The following EXOC6B variants were observed in gnomAD, a reference collection of about 807,000 sequenced individuals.
The protein encoded by EXOC6B is exocyst complex component 6B, also known as SEC15 homolog B.
In EXOC6B, 54 loss-of-function variants were observed where a neutral mutation model predicts 113.5. The ratio of observed to expected loss-of-function variants is 0.48; its 90% CI spans 0.38 to 0.60. The LOEUF (loss-of-function observed/expected upper bound fraction) is 0.60. Among genes scored for constraint, EXOC6B ranks in the 20% least tolerant of loss-of-function variants. The pLI is 0.00. For synonymous variants in EXOC6B, 357 were observed against 339.0 expected (o/e 1.05, Z -0.58); for missense variants, 797 against 977.5 (o/e 0.82, Z 2.46).
chr2:72,508,036 A>G (rs1419281117), intron 11 of EXOC6B, among the ~76,000 whole-genome samples: 2 of 151,686 alleles, frequency 1.3e-5, no homozygotes, highest in African/African-American at 2.4e-5. Context: ...AAATAAAATT[A>G]GAGAATTCAG....
chr2:72,449,072 T>C (rs1019839282), intron 18 of EXOC6B, among the ~76,000 whole-genome samples: 5 of 152,240 alleles, frequency 3.3e-5, no homozygotes, highest in Non-Finnish European at 5.9e-5. Context: ...CAGCTCATAT[T>C]ATAAAGCTTT....
chr2:72,622,089 A>G (rs1365714620), intron 6 of EXOC6B, among the ~76,000 whole-genome samples: 1 of 151,924 alleles, frequency 6.6e-6, no homozygotes, highest in Non-Finnish European at 1.5e-5. Context: ...AAAAAAGTTT[A>G]TAAGAATATA....
intron 1 of EXOC6B, among the ~76,000 whole-genome samples, chr2:72,802,286 C>CT (rs1446974227): frequency 6.6e-6 from 1 of 151,078 alleles, no homozygotes; most frequent in East Asian, 1.9e-4. Context: ...GATCACACCA[C>CT]TGCACTCTAG....
At chr2:72,250,582 G>C (rs180767895) in intron 20 of EXOC6B, among the ~76,000 whole-genome samples, 1 of 150,162 alleles carries the variant, frequency 6.7e-6, no homozygotes, top group African/African-American at 2.5e-5. Flanking sequence ...GAGCTCAAGC[G>C]ATCTTCCCAC....
intron 20 of EXOC6B, among the ~76,000 whole-genome samples, chr2:72,206,015 A>T (rs940028807): frequency 3.9e-5 from 6 of 152,208 alleles, no homozygotes; most frequent in African/African-American, 1.4e-4. Context: ...GTGAGAGACG[A>T]GACTATTGGG....
At position 72,300,873 on chromosome 2, in the gene EXOC6B, G is replaced by T. The variant is rs560471653; in HGVS notation, c.2196+34074C>A. Among the ~76,000 whole-genome samples, 133 of 152,236 alleles carry T rather than the reference G, an allele frequency of 8.7e-4. 1 individual carries two copies. The highest frequency in any genetic ancestry group is 3.2e-3 in the African/African-American group (133 of 41,538). ...GTGGGCTGCATCCCCTGTCCAACCA[G>T]TCCCAATGAGATGAACCGGGTACCT... On this transcript the variant is annotated intron_variant, in intron 20 of 21. Transcript: ENST00000272427.
chr2:72,400,860 A>G (rs2105157380), intron 18 of EXOC6B, among the ~76,000 whole-genome samples: 1 of 152,204 alleles, frequency 6.6e-6, no homozygotes, highest in South Asian at 2.1e-4. Flanking sequence ...AAATTAATAT[A>G]GCCTATATAA....
At chr2:72,242,357 C>T (rs1682370794) in intron 20 of EXOC6B, among the ~76,000 whole-genome samples, 1 of 151,966 alleles carries the variant, frequency 6.6e-6, no homozygotes, top group African/African-American at 2.4e-5. Flanking sequence ...TTATAAGGGA[C>T]AAGAGGGAAG....
intron 7 of EXOC6B, among the ~76,000 whole-genome samples, chr2:72,560,092 C>G (rs909354327): frequency 2.0e-5 from 3 of 151,842 alleles, no homozygotes; most frequent in East Asian, 3.9e-4. Context: ...AAAAGTCAAA[C>G]CAAGAAGTAA....
At chr2:72,729,848 G>A (rs1481036279) in intron 5 of EXOC6B, among the ~76,000 whole-genome samples, 13 of 152,092 alleles carry the variant, frequency 8.5e-5, no homozygotes, top group Admixed American at 8.5e-4. Context: ...TCTTATGAGA[G>A]CATGTCCTAC....
intron 15 of EXOC6B, among the ~76,000 whole-genome samples, chr2:72,492,648 C>A (rs1232687134): frequency 7.1e-6 from 1 of 141,190 alleles, no homozygotes; most frequent in Non-Finnish European, 1.6e-5. Flanking sequence ...GTTTTTCTGT[C>A]TATAGAATTC....
chr2:72,623,669 T>C (rs1671878539), intron 6 of EXOC6B, among the ~76,000 whole-genome samples: 1 of 152,210 alleles, frequency 6.6e-6, no homozygotes, highest in African/African-American at 2.4e-5. Flanking sequence ...GCCCTGTCAA[T>C]GACCCAGCTG....
intron 19 of EXOC6B, among the ~76,000 whole-genome samples, chr2:72,376,846 G>C (rs1691391799): frequency 6.6e-6 from 1 of 151,788 alleles, no homozygotes; most frequent in Admixed American, 6.6e-5. Flanking sequence ...TGAGAGCGTG[G>C]AATTGTTTTT....
At chr2:72,697,851 A>C (rs1678004102) in intron 6 of EXOC6B, among the ~76,000 whole-genome samples, 1 of 152,216 alleles carries the variant, frequency 6.6e-6, no homozygotes, top group African/African-American at 2.4e-5. Context: ...ACTACAACTA[A>C]GATAGTGATC....
intron 20 of EXOC6B, among the ~76,000 whole-genome samples, chr2:72,224,994 G>GTGTGTGTATA (rs908047817): frequency 3.6e-5 from 5 of 137,256 alleles, no homozygotes; most frequent in Non-Finnish European, 6.4e-5. Flanking sequence ...GTGTGTGTGT[G>GTGTGTGTATA]TATATATATA....
At chr2:72,818,311 A>AT (rs1183950982) in intron 1 of EXOC6B, among the ~76,000 whole-genome samples, 7,715 of 117,674 alleles carry the variant, frequency 0.066, 222 homozygotes, top group East Asian at 0.14. Flanking sequence ...GGCCCAGCTA[A>AT]TTTTTTTTTT....
At chr2:72,817,776 T>C (rs569233570) in intron 1 of EXOC6B, among the ~76,000 whole-genome samples, 17 of 152,322 alleles carry the variant, frequency 1.1e-4, no homozygotes, top group Admixed American at 9.8e-4. Flanking sequence ...CCATAACTAA[T>C]CCATCGTTTT....
chr2:72,823,485 AC>A lies in EXOC6B; in HGVS notation c.113+2312del, dbSNP rs1236297069. Among the ~76,000 whole-genome samples, 279 of 137,098 alleles carry A rather than the reference AC, an allele frequency of 2.0e-3. 38 individuals carry two copies. The highest frequency in any genetic ancestry group is 5.7e-3 in the African/African-American group (203 of 35,498). The allele number at this position is 137,098 out of a possible 152,430, so 89.9% of individuals were successfully genotyped here. Reference sequence around the variant, plus strand: ...AAAAAAAAAAAAAAAAAAACAAAAAACAAAAAAAAAGACAGTGGCCAGGCAC... The same window carrying A: ...AAAAAAAAAAAAAAAAAAACAAAAAAAAAAAAAAAGACAGTGGCCAGGCAC... On this transcript the variant is annotated intron_variant, in intron 1 of 21. Coordinates refer to ENST00000272427, the MANE Select transcript of EXOC6B (RefSeq NM_015189.3).
intron 6 of EXOC6B, among the ~76,000 whole-genome samples, chr2:72,707,447 T>C (rs952387594): frequency 6.6e-6 from 1 of 151,552 alleles, no homozygotes; most frequent in African/African-American, 2.4e-5. Flanking sequence ...AGAGTCTTGC[T>C]CTGTCACCCA....
Sources: gnomAD v4.1 joint callset for allele counts (sites outside exome capture counted in the v4.1 genomes callset) on GRCh38, gnomAD v4.1.1 for gene constraint, MANE v1.5 for transcripts, NCBI Gene and HGNC (gene_info 2026-07-23, HGNC 2026-07-21) for gene names.